MED13: variants seen among roughly 807,000 people sequenced by gnomAD.
The protein encoded by MED13 is mediator complex subunit 13.
A neutral mutation model predicts 225.2 loss-of-function variants in MED13; 23 were observed. The observed-to-expected ratio is 0.10, with a 90% CI of 0.07 to 0.14. MED13 has a LOEUF of 0.14. MED13 is among the 10% of genes least tolerant of loss of function. The pLI is 1.00. For missense variants in MED13, 2,197 were observed against 2,594.5 expected, an observed-to-expected ratio of 0.85 and a Z score of 3.33; for synonymous variants, 942 against 889.2, an observed-to-expected ratio of 1.06 and a Z score of -1.06.
chr17:62,033,997 A>T lies in MED13; in HGVS notation c.617-13T>A. 6.2e-7 allele frequency: 1 copy of T among 1,608,544 alleles called. No individual in the cohort carries two copies. Among genetic ancestry groups the T allele is most frequent in the South Asian group, 1.1e-5 (1 of 90,380 alleles). ...GGGCATAAGATAACTAGAAACCCAAAGCAGACATCAAATAAGTAACAAAAG... is the reference window on the plus strand; with the variant it reads ...GGGCATAAGATAACTAGAAACCCAATGCAGACATCAAATAAGTAACAAAAG... On this transcript the variant is annotated splice_polypyrimidine_tract_variant and intron_variant, in intron 4 of 29. Transcript: ENST00000397786.
At chr17:61,948,519 T>C (rs1006326220) in intron 28 of MED13, among the ~76,000 whole-genome samples, 1 of 152,104 alleles carries the variant, frequency 6.6e-6, no homozygotes, top group Non-Finnish European at 1.5e-5. Context: ...TACCTCTGTT[T>C]TTCAGACTTT....
chr17:61,979,387 G>T (rs1033654336), intron 16 of MED13, among the ~76,000 whole-genome samples: 1 of 151,942 alleles, frequency 6.6e-6, no homozygotes, highest in Non-Finnish European at 1.5e-5. Context: ...ATGGTTCACC[G>T]AATCCTCCAC....
intron 16 of MED13, 60 bp from the exon 17 acceptor site, chr17:61,972,948 T>C: frequency 1.4e-6 from 2 of 1,433,036 alleles, no homozygotes; most frequent in Non-Finnish European, 1.9e-6. Flanking sequence ...ACAAATAAAA[T>C]TTTAAGATAA....
At chr17:62,039,307 G>C (rs1417315865) in intron 3 of MED13, among the ~76,000 whole-genome samples, 1 of 152,160 alleles carries the variant, frequency 6.6e-6, no homozygotes, top group Non-Finnish European at 1.5e-5. Flanking sequence ...TGTGATACAA[G>C]TTTCTTGCTC....
chr17:62,049,219 A>G (rs2080932133), intron 3 of MED13, among the ~76,000 whole-genome samples: 1 of 152,200 alleles, frequency 6.6e-6, no homozygotes, highest in Non-Finnish European at 1.5e-5. Flanking sequence ...GAAGGGTAAC[A>G]ACAGGGATAT....
intron 28 of MED13, among the ~76,000 whole-genome samples, chr17:61,947,668 C>G (rs867572270): frequency 2.0e-5 from 3 of 152,164 alleles, no homozygotes; most frequent in South Asian, 4.1e-4. Context: ...TGAGAACACT[C>G]TAAGTAATAC....
intron 8 of MED13, among the ~76,000 whole-genome samples, chr17:62,022,651 C>T (rs1872819206): frequency 6.6e-6 from 1 of 151,868 alleles, no homozygotes; most frequent in Admixed American, 6.6e-5. Context: ...ATATAAGTAA[C>T]TAATATGGAA....
chr17:62,043,787 T>C (rs1194688542), intron 3 of MED13, among the ~76,000 whole-genome samples: 3 of 152,264 alleles, frequency 2.0e-5, no homozygotes, highest in African/African-American at 7.2e-5. Context: ...GCATAGTTAA[T>C]TATATGCTGA....
At position 62,049,078 on chromosome 17, in the gene MED13, C is replaced by CAAAAAAAAAAAAAAAAAA. The variant is rs890393330; in HGVS notation, c.470+3458_470+3459insTTTTTTTTTTTTTTTTTT. ...GGCACCACCATAACAGTAAATAAGA[C>CAAAAAAAAAAAAAAAAAA]AAAAAAAAAAAAAAAAAGGAGAAAT... is the stretch of plus-strand genomic sequence containing the variant. On this transcript the variant is annotated intron_variant, in intron 3 of 29. Transcript: ENST00000397786. Among the ~76,000 whole-genome samples the CAAAAAAAAAAAAAAAAAA allele has an allele frequency of 1.5e-3, 67 of 45,270 alleles. 3 individuals carry two copies. The highest frequency in any genetic ancestry group is 4.5e-3 in the African/African-American group (52 of 11,486). The allele number at this position is 45,270 out of a possible 152,430, so 29.7% of individuals were successfully genotyped here.
chr17:61,968,452 A>G (rs2080078714), intron 17 of MED13, among the ~76,000 whole-genome samples, 194 bp from the exon 18 acceptor site: 1 of 152,130 alleles, frequency 6.6e-6, no homozygotes, highest in South Asian at 2.1e-4. Flanking sequence ...CAGCCTCCTG[A>G]GTAGCTGGGA....
At chr17:62,052,727 T>G in intron 2 of MED13, 22 bp from the exon 3 acceptor site, 29 of 1,534,184 alleles carry the variant, frequency 1.9e-5, no homozygotes, top group Non-Finnish European at 2.6e-5. Flanking sequence ...ATGAAGGAAA[T>G]AATAAAATAG....
chr17:61,982,929 C>T lies in MED13; in HGVS notation c.3074G>A (p.Gly1025Asp). ...PRTPRTPRGA[G>D]GPASAQGSVK... ...TGAACCTTGAGCACTAGCAGGTCCACCAGCTCCACGAGGAGTCCGAGGAGT... is the reference window on the plus strand; with the variant it reads ...TGAACCTTGAGCACTAGCAGGTCCATCAGCTCCACGAGGAGTCCGAGGAGT... The change falls in exon 16 of 30, where the codon GGT becomes GAT. Residue 1025 changes from glycine to aspartate, a missense_variant. By Grantham distance (94) the Gly-to-Asp change is moderately conservative (BLOSUM62 -1). Around this residue, in one of 12 missense-constraint regions of MED13, gnomAD observed 99 missense variants for 158.5 expected, o/e 0.62. Coordinates refer to ENST00000397786, the MANE Select transcript of MED13 (RefSeq NM_005121.3). The T allele has an allele frequency of 1.2e-6, 2 of 1,614,128 alleles. No individual in the cohort carries two copies. The highest frequency in any genetic ancestry group is 1.7e-6 in the Non-Finnish European group (2 of 1,180,030).
At chr17:62,062,624 ACACG>A (rs1056590458) in intron 2 of MED13, among the ~76,000 whole-genome samples, 3 of 148,128 alleles carry the variant, frequency 2.0e-5, no homozygotes, top group African/African-American at 5.0e-5. Context: ...ACACACACAC[ACACG>A]GATAGTTACA....
chr17:62,017,861 G>C (rs189480834), intron 8 of MED13, among the ~76,000 whole-genome samples: 5 of 152,260 alleles, frequency 3.3e-5, no homozygotes, highest in Non-Finnish European at 7.4e-5. Context: ...CTATAGATTT[G>C]AAGTACAATG....
intron 3 of MED13, among the ~76,000 whole-genome samples, chr17:62,042,353 A>C (rs1305386123): frequency 6.6e-6 from 1 of 152,112 alleles, no homozygotes; most frequent in Non-Finnish European, 1.5e-5. Context: ...CATGAGGTCA[A>C]GAAATCAAGA....
Position 61,944,616 on chromosome 17 carries a change from T to C in MED13, c.*1852A>G, listed in dbSNP as rs1407676466. 1 of 152,164 alleles carries C rather than the reference T, an allele frequency of 6.6e-6. No individual in the cohort carries two copies. The highest frequency in any genetic ancestry group is 1.9e-4 in the East Asian group (1 of 5,198). The allele number at this position is 152,164 out of a possible 1,614,324, so 9.4% of individuals were successfully genotyped here. ...TCATATACACAATCTGAAGAAGTTATGTTGTTCATAAGAAAGTGATATTTA... is the reference window on the plus strand; with the variant it reads ...TCATATACACAATCTGAAGAAGTTACGTTGTTCATAAGAAAGTGATATTTA... On this transcript the variant is annotated 3_prime_UTR_variant, in exon 30 of 30. Coordinates refer to ENST00000397786, the MANE Select transcript of MED13 (RefSeq NM_005121.3).
In MED13 at chr17:61,965,344, T is replaced by G. The variant is rs751157284; in HGVS notation, c.4506A>C (p.Pro1502=). The change falls in exon 20 of 30, where the codon CCA becomes CCC. Residue 1502 remains proline (P), a synonymous_variant. Coordinates refer to ENST00000397786, the MANE Select transcript of MED13 (RefSeq NM_005121.3). ...QMTNTGNANT[P]SATLASAASS... ...TCGCTGCAGATGCTAAGGTGGCAGA[T>G]GGAGTATTAGCATTTCCAGTATTTG... 4.3e-6 allele frequency: 7 copies of G among 1,614,240 alleles called. No homozygotes were observed. Among genetic ancestry groups the G allele is most frequent in the Non-Finnish European group, 5.9e-6 (7 of 1,180,046 alleles).
chr17:61,972,662 G>C (rs757149131), intron 17 of MED13, 65 bp downstream of exon 17: 313 of 1,369,048 alleles, frequency 2.3e-4, no homozygotes, highest in Non-Finnish European at 3.1e-4. Flanking sequence ...GCTTATTCTA[G>C]TTGGGCACAG....
chr17:61,992,888 T>C (rs2080312420), intron 10 of MED13, among the ~76,000 whole-genome samples: 1 of 151,788 alleles, frequency 6.6e-6, no homozygotes, highest in South Asian at 2.1e-4. Flanking sequence ...TGCCTCAGCT[T>C]CCCAAGTAGC....
Sources: allele counts gnomAD v4.1 joint callset (sites outside exome capture counted in the v4.1 genomes callset), GRCh38; gene constraint gnomAD v4.1.1; regional missense constraint gnomAD v4.1.1; transcripts MANE v1.5; gene names NCBI Gene and HGNC (gene_info 2026-07-23, HGNC 2026-07-21).